ARHGAP15: variants seen among roughly 807,000 people sequenced by gnomAD.
ARHGAP15 encodes the protein rho GTPase-activating protein 15.
A neutral mutation model predicts 63.7 loss-of-function variants in ARHGAP15; 51 were observed. The ratio of observed to expected loss-of-function variants is 0.80; its 90% CI spans 0.64 to 1.01. ARHGAP15 has a LOEUF of 1.01. Ranked by LOEUF, ARHGAP15 falls within the 50% of genes least tolerant of loss-of-function variation. The pLI, the probability that ARHGAP15 is intolerant of heterozygous loss-of-function variation, is 0.00. For missense variants in ARHGAP15, 560 were observed against 564.6 expected (o/e 0.99, Z 0.08); for synonymous variants, 191 against 193.8 (o/e 0.99, Z 0.12).
At chr2:143,737,963 G>A (rs897947101) in intron 13 of ARHGAP15, among the ~76,000 whole-genome samples, 2 of 152,052 alleles carry the variant, frequency 1.3e-5, no homozygotes, top group Non-Finnish European at 1.5e-5. Flanking sequence ...TCACCATGCC[G>A]GTCAGGTTGG....
At chr2:143,654,657 AG>A (rs1289809425) in intron 12 of ARHGAP15, among the ~76,000 whole-genome samples, 2 of 152,218 alleles carry the variant, frequency 1.3e-5, no homozygotes, top group Non-Finnish European at 2.9e-5. Context: ...AGACTCAAAA[AG>A]GTTGACTGAC....
chr2:143,343,222 G>A (rs1685137163), intron 6 of ARHGAP15, among the ~76,000 whole-genome samples: 1 of 151,992 alleles, frequency 6.6e-6, no homozygotes, highest in South Asian at 2.1e-4. Context: ...TGGATAAGTA[G>A]GAGCTCACCA....
intron 1 of ARHGAP15, among the ~76,000 whole-genome samples, chr2:143,131,586 C>A (rs535094612): frequency 6.6e-6 from 1 of 152,112 alleles, no homozygotes; most frequent in South Asian, 2.1e-4. Context: ...AAAGATAGAC[C>A]CTTCCATTCA....
intron 6 of ARHGAP15, among the ~76,000 whole-genome samples, chr2:143,374,059 A>G (rs1686697272): frequency 1.3e-5 from 2 of 152,176 alleles, no homozygotes; most frequent in Admixed American, 1.3e-4. Context: ...TGTGAGGTAC[A>G]ATTATTCTGT....
At chr2:143,427,813 C>T (rs1689197690) in intron 6 of ARHGAP15, among the ~76,000 whole-genome samples, 1 of 152,064 alleles carries the variant, frequency 6.6e-6, no homozygotes, top group African/African-American at 2.4e-5. Flanking sequence ...TATTACATTA[C>T]TTATATTACC....
Position 143,275,005 on chromosome 2 carries a change from T to TAA in ARHGAP15, c.474+24418_474+24419dup, listed in dbSNP as rs35572753. Among the ~76,000 whole-genome samples, 316 of 145,046 alleles carry TAA rather than the reference T, an allele frequency of 2.2e-3. 2 individuals are homozygous for TAA. Among genetic ancestry groups the TAA allele is most frequent in the Non-Finnish European group, 3.3e-3 (215 of 66,042 alleles). ...GTGAAACCCCATCTCTACTAAAAAT[T>TAA]AAAAAAAAAAAAAATTAGCTGGATG... On this transcript the variant is annotated intron_variant, in intron 6 of 13. Transcript: ENST00000295095.
At chr2:143,418,934 A>G (rs1338592948) in intron 6 of ARHGAP15, among the ~76,000 whole-genome samples, 1 of 152,186 alleles carries the variant, frequency 6.6e-6, no homozygotes, top group East Asian at 1.9e-4. Flanking sequence ...GGACTCAAGT[A>G]TGTGCAAATT....
chr2:143,683,763 T>C (rs545728067), intron 12 of ARHGAP15, among the ~76,000 whole-genome samples: 3 of 152,356 alleles, frequency 2.0e-5, no homozygotes, highest in South Asian at 4.1e-4. Flanking sequence ...CTCATTTCTA[T>C]ATTTCATCAA....
At chr2:143,582,601 C>A (rs980697169) in intron 11 of ARHGAP15, among the ~76,000 whole-genome samples, 40 of 152,078 alleles carry the variant, frequency 2.6e-4, no homozygotes, top group African/African-American at 9.2e-4. Context: ...ATGAGTGAGC[C>A]AAAGTGACAA....
At chr2:143,690,885 C>T (rs1683567887) in intron 12 of ARHGAP15, among the ~76,000 whole-genome samples, 2 of 152,106 alleles carry the variant, frequency 1.3e-5, no homozygotes, top group Non-Finnish European at 2.9e-5. Flanking sequence ...TCCAAAAGCT[C>T]TTACCTTTGG....
intron 6 of ARHGAP15, among the ~76,000 whole-genome samples, chr2:143,367,370 T>C (rs568292087): frequency 2.1e-4 from 32 of 152,022 alleles, no homozygotes; most frequent in Non-Finnish European, 4.4e-4. Flanking sequence ...TTCTCTTTAT[T>C]TGCCATCTTT....
chr2:143,660,080 A>G (rs1248630011), intron 12 of ARHGAP15, among the ~76,000 whole-genome samples: 1 of 152,222 alleles, frequency 6.6e-6, no homozygotes, highest in Non-Finnish European at 1.5e-5. Flanking sequence ...TTTTGCTGCC[A>G]TGTGACAAGA....
intron 8 of ARHGAP15, among the ~76,000 whole-genome samples, chr2:143,443,785 T>A (rs140984902): frequency 1.2e-3 from 184 of 152,324 alleles, no homozygotes; most frequent in African/African-American, 4.4e-3. Flanking sequence ...AATAGTATTA[T>A]GCATGAAGGT....
chr2:143,636,786 T>G (rs563164597), intron 12 of ARHGAP15, among the ~76,000 whole-genome samples: 41 of 152,236 alleles, frequency 2.7e-4, no homozygotes, highest in African/African-American at 9.1e-4. Context: ...AAATGTGCCC[T>G]CCTAAGGTTT....
intron 6 of ARHGAP15, among the ~76,000 whole-genome samples, chr2:143,387,132 A>AT (rs1338663250): frequency 6.6e-6 from 1 of 152,146 alleles, no homozygotes; most frequent in African/African-American, 2.4e-5. Flanking sequence ...AAACTTGCAC[A>AT]TGCACCCCTG....
intron 6 of ARHGAP15, among the ~76,000 whole-genome samples, chr2:143,382,813 T>C (rs200213780): frequency 5.9e-5 from 9 of 152,154 alleles, no homozygotes. Context: ...CTTGCTCTCT[T>C]GGTTTGAGAG....
intron 6 of ARHGAP15, among the ~76,000 whole-genome samples, chr2:143,379,390 G>T (rs4281852): frequency 6.6e-5 from 10 of 150,662 alleles, no homozygotes; most frequent in Non-Finnish European, 1.3e-4. Context: ...TGTTGGTGCC[G>T]ATCAGTGCTT....
intron 11 of ARHGAP15, among the ~76,000 whole-genome samples, chr2:143,615,430 G>C (rs1462886316): frequency 6.6e-6 from 1 of 152,080 alleles, no homozygotes; most frequent in Non-Finnish European, 1.5e-5. Context: ...AATGATAAAA[G>C]CCAGAAATTA....
intron 6 of ARHGAP15, among the ~76,000 whole-genome samples, chr2:143,319,411 G>A (rs1196573638): frequency 6.6e-6 from 1 of 151,794 alleles, no homozygotes; most frequent in African/African-American, 2.4e-5. Context: ...TGATAGAGAT[G>A]AGGTTTCACC....
Sources: allele counts gnomAD v4.1 joint callset (sites outside exome capture counted in the v4.1 genomes callset), GRCh38; gene constraint gnomAD v4.1.1; transcripts MANE v1.5; gene names NCBI Gene and HGNC (gene_info 2026-07-23, HGNC 2026-07-21).